FMN1: variants seen among roughly 807,000 people sequenced by gnomAD.
The protein encoded by FMN1 is formin-1.
In FMN1, 110 loss-of-function variants were observed where a neutral mutation model predicts 132.4. The observed-to-expected ratio is 0.83, with a 90% CI of 0.71 to 0.97. The LOEUF (loss-of-function observed/expected upper bound fraction) is 0.97. Ranked by LOEUF, FMN1 falls within the 50% of genes least tolerant of loss-of-function variation. The probability of loss-of-function intolerance (pLI) is 0.00; values close to 1 mark genes in which losing one functional copy is unlikely to be tolerated. For synonymous variants in FMN1, 722 were observed against 651.7 expected, an observed-to-expected ratio of 1.11 and a Z score of -1.64; for missense variants, 1,792 against 1,705.3, an observed-to-expected ratio of 1.05 and a Z score of -0.90.
At chr15:33,147,420 T>C (rs1964270975) in intron 4 of FMN1, among the ~76,000 whole-genome samples, 1 of 152,382 alleles carries the variant, frequency 6.6e-6, no homozygotes, top group Non-Finnish European at 1.5e-5. Context: ...CTGTTACTTT[T>C]AATCATGGTG....
At chr15:32,855,927 TTGTC>T (rs34907509) in intron 17 of FMN1, among the ~76,000 whole-genome samples, 4,009 of 152,274 alleles carry the variant, frequency 0.026, 170 homozygotes, top group African/African-American at 0.091. Flanking sequence ...AGATGGTACT[TTGTC>T]TGACAGCATT....
At chr15:33,126,350 G>A (rs1458681051) in intron 4 of FMN1, among the ~76,000 whole-genome samples, 1 of 152,166 alleles carries the variant, frequency 6.6e-6, no homozygotes, top group Non-Finnish European at 1.5e-5. Flanking sequence ...AGGTCACTGT[G>A]GGCAGGCAGT....
intron 4 of FMN1, among the ~76,000 whole-genome samples, chr15:33,124,885 G>C (rs1025679607): frequency 6.7e-6 from 1 of 149,796 alleles, no homozygotes; most frequent in African/African-American, 2.5e-5. Flanking sequence ...ACAAATCATA[G>C]AGCCTTGTTT....
chr15:32,938,169 G>A (rs999754368), intron 9 of FMN1, among the ~76,000 whole-genome samples: 1 of 152,024 alleles, frequency 6.6e-6, no homozygotes, highest in African/African-American at 2.4e-5. Flanking sequence ...GTCAGTGCAG[G>A]CAGAGCCATT....
chr15:32,966,612 A>G (rs1277297272), intron 8 of FMN1, among the ~76,000 whole-genome samples: 2 of 152,208 alleles, frequency 1.3e-5, no homozygotes, highest in Non-Finnish European at 2.9e-5. Flanking sequence ...GAGACACCCA[A>G]GAAGGCAAAA....
intron 17 of FMN1, among the ~76,000 whole-genome samples, chr15:32,829,077 C>G (rs17816423): frequency 0.37 from 56,506 of 152,004 alleles, 11,383 homozygotes; most frequent in East Asian, 0.83. Flanking sequence ...GTCATTTGGT[C>G]ACAGACTCAA....
intron 3 of FMN1, among the ~76,000 whole-genome samples, chr15:33,176,983 A>C (rs1319526573): frequency 6.6e-6 from 1 of 152,244 alleles, no homozygotes; most frequent in Admixed American, 6.5e-5. Context: ...CCTTTAAATA[A>C]TTAAGATAAT....
chr15:32,815,131 A>G (rs2058016118), intron 17 of FMN1, among the ~76,000 whole-genome samples: 2 of 151,920 alleles, frequency 1.3e-5, no homozygotes, highest in Admixed American at 1.3e-4. Flanking sequence ...TTTAGTAGAG[A>G]TGGGGTTTCC....
At chr15:33,100,588 G>A (rs1175765734) in intron 4 of FMN1, among the ~76,000 whole-genome samples, 1 of 152,126 alleles carries the variant, frequency 6.6e-6, no homozygotes, top group Non-Finnish European at 1.5e-5. Flanking sequence ...AGGTCTTACG[G>A]CCCACAAAGT....
intron 19 of FMN1, among the ~76,000 whole-genome samples, chr15:32,788,300 G>A (rs1356791792): frequency 6.6e-6 from 1 of 152,242 alleles, no homozygotes; most frequent in Non-Finnish European, 1.5e-5. Flanking sequence ...TTTAGGGAGA[G>A]TAGTCTGGGA....
At chr15:32,847,107 TGAG>T (rs962343753) in intron 17 of FMN1, among the ~76,000 whole-genome samples, 2 of 152,164 alleles carry the variant, frequency 1.3e-5, no homozygotes, top group African/African-American at 2.4e-5. Flanking sequence ...GAAAGGGAAA[TGAG>T]GAGATTACCC....
chr15:33,117,307 A>C (rs979616261), intron 4 of FMN1, among the ~76,000 whole-genome samples: 1 of 152,348 alleles, frequency 6.6e-6, no homozygotes, highest in Non-Finnish European at 1.5e-5. Context: ...GCCATAAAGA[A>C]GACAATGCAG....
intron 6 of FMN1, among the ~76,000 whole-genome samples, chr15:33,022,801 A>C (rs552935665): frequency 7.2e-5 from 11 of 152,310 alleles, no homozygotes; most frequent in African/African-American, 2.6e-4. Flanking sequence ...AGCCAGGCCC[A>C]GACTTGTTGC....
At chr15:32,856,196 A>C (rs1164566758) in intron 17 of FMN1, among the ~76,000 whole-genome samples, 7 of 152,218 alleles carry the variant, frequency 4.6e-5, no homozygotes, top group Admixed American at 3.3e-4. Context: ...GGCCTTACTC[A>C]GTAATAGAAA....
Position 32,819,396 on chromosome 15 carries a change from C to T in FMN1, c.3929-15064G>A, listed in dbSNP as rs148954157. 5.4e-4 allele frequency among the ~76,000 whole-genome samples: 82 copies of T among 152,300 alleles called. 2 individuals are homozygous for T. The East Asian group carries it at 0.013, about 24-fold the overall frequency. ...GATTTATATGGGTCGTTCTCACCCACGATGACTTGTACCGTTTCAAAGGTG... is the reference window on the plus strand; with the variant it reads ...GATTTATATGGGTCGTTCTCACCCATGATGACTTGTACCGTTTCAAAGGTG... On this transcript the variant is annotated intron_variant, in intron 17 of 20. Transcript: ENST00000616417.
Position 33,153,078 on chromosome 15 carries a change from TG to T in FMN1, c.1836del (p.Thr613GlnfsTer74). ...GGTGACTGGTGCTGGGGCTCAGCTGTGGTCTTCCCTGGCCCCAAGCTCTTTT... is the reference window on the plus strand; with the variant it reads ...GGTGACTGGTGCTGGGGCTCAGCTGTGTCTTCCCTGGCCCCAAGCTCTTTT... The part of the protein sequence containing the change: ...TLEKSLGPGK[T>X]TAEPQHQSPP... On this transcript the variant is annotated frameshift_variant, in exon 4 of 21. Coordinates refer to ENST00000616417, the MANE Select transcript of FMN1 (RefSeq NM_001277313.2). LOFTEE classifies it high-confidence loss of function. 6.5e-7 allele frequency: 1 copy of T among 1,533,948 alleles called. No homozygotes were observed. The highest frequency in any genetic ancestry group is 8.7e-7 in the Non-Finnish European group (1 of 1,145,994).
chr15:33,138,273 G>C (rs970802858), intron 4 of FMN1, among the ~76,000 whole-genome samples: 1 of 152,148 alleles, frequency 6.6e-6, no homozygotes, highest in African/African-American at 2.4e-5. Flanking sequence ...GATTTCTATC[G>C]AGTAACCTAA....
chr15:32,856,395 G>T (rs539943847), intron 17 of FMN1, among the ~76,000 whole-genome samples: 109 of 152,248 alleles, frequency 7.2e-4, no homozygotes, highest in Non-Finnish European at 1.2e-3. Context: ...ATAAACAGAA[G>T]TTCCCTACTC....
chr15:32,784,090 G>A (rs146622865), intron 19 of FMN1, among the ~76,000 whole-genome samples: 1 of 152,276 alleles, frequency 6.6e-6, no homozygotes, highest in Admixed American at 6.5e-5. Flanking sequence ...GAGCACACCA[G>A]CCAATCAAGA....
Sources: allele counts gnomAD v4.1 joint callset (sites outside exome capture counted in the v4.1 genomes callset), GRCh38; gene constraint gnomAD v4.1.1; transcripts MANE v1.5; gene names NCBI Gene and HGNC (gene_info 2026-07-23, HGNC 2026-07-21).